TTBK1: variants seen among roughly 807,000 people sequenced by gnomAD.
TTBK1 encodes tau-tubulin kinase 1.
A neutral mutation model predicts 108.5 loss-of-function variants in TTBK1; 34 were observed. That is an observed-to-expected ratio of 0.31 (90% CI 0.24 to 0.42). The LOEUF (loss-of-function observed/expected upper bound fraction) is 0.42. TTBK1 is among the 10% of genes least tolerant of loss of function. The pLI is 1.00. For synonymous variants in TTBK1, 809 were observed against 795.1 expected (o/e 1.02, Z -0.29); for missense variants, 1,539 against 1,826.0 (o/e 0.84, Z 2.86).
At chr6:43,260,987 T>G (rs1777526455) in intron 12 of TTBK1, among the ~76,000 whole-genome samples, 1 of 152,082 alleles carries the variant, frequency 6.6e-6, no homozygotes, top group South Asian at 2.1e-4. Context: ...CTGAGCCTTC[T>G]TTGGCACCCT....
intron 13 of TTBK1, among the ~76,000 whole-genome samples, chr6:43,264,281 G>A (rs911855891): frequency 1.3e-5 from 2 of 152,152 alleles, no homozygotes; most frequent in Admixed American, 1.3e-4. Context: ...TACTTGGGAG[G>A]CTGAGGCATG....
At chr6:43,271,285 T>C (rs1378029457) in intron 13 of TTBK1, 11 of 985,306 alleles carry the variant, frequency 1.1e-5, no homozygotes, top group Admixed American at 6.2e-5. Flanking sequence ...TGCATAAGAG[T>C]GTGCTTACGA....
chr6:43,266,211 T>C (rs1182039859), intron 13 of TTBK1, among the ~76,000 whole-genome samples: 1 of 152,236 alleles, frequency 6.6e-6, no homozygotes, highest in East Asian at 1.9e-4. Context: ...GCTCGAGCTG[T>C]GCACTGGTGG....
rs1218962269 is a variant in TTBK1 at position 43,253,549 on chromosome 6, C to T, written c.331-19C>T. 1.3e-6 allele frequency: 2 copies of T among 1,596,394 alleles called. No individual in the cohort carries two copies. Among genetic ancestry groups the T allele is most frequent in the Middle Eastern group, 1.7e-4 (1 of 5,818 alleles). ...GATGGCTGAGGGTGAGTCTACCCCC[C>T]ACCTCCACCCCCATGCAGGGCCGGA... On this transcript the variant is annotated intron_variant, in intron 4 of 14. Transcript: ENST00000259750. The surrounding 1 kb of genome is among the most constrained non-coding windows in gnomAD (Gnocchi z 5.8).
chr6:43,261,928 G>A (rs1384468309), intron 12 of TTBK1, among the ~76,000 whole-genome samples: 1 of 152,198 alleles, frequency 6.6e-6, no homozygotes, highest in Admixed American at 6.5e-5. Context: ...AGTCTCTTGG[G>A]GAGACAGATT....
rs116049426 is a variant in TTBK1 at position 43,273,569 on chromosome 6, C to T, written c.1987-9158C>T. ...GGTGAGGTCCTAGGGGTCAGACTCACAGACGGGGAAGACACTGGCATCTGT... is the reference window on the plus strand; with the variant it reads ...GGTGAGGTCCTAGGGGTCAGACTCATAGACGGGGAAGACACTGGCATCTGT... On this transcript the variant is annotated intron_variant, in intron 13 of 14. Coordinates refer to ENST00000259750, the MANE Select transcript of TTBK1 (RefSeq NM_032538.3). This position sits in a 1 kb window ranked among gnomAD's most constrained non-coding sequence, Gnocchi z 4.2. Among the ~76,000 whole-genome samples, 3,297 of 151,392 alleles carry T rather than the reference C, an allele frequency of 0.022. 115 individuals carry two copies. Among genetic ancestry groups the T allele is most frequent in the African/African-American group, 0.077 (3,149 of 40,706 alleles).
In TTBK1 at chr6:43,265,858, C is replaced by A. The variant is rs558166013; in HGVS notation, c.1986+2508C>A. Among the ~76,000 whole-genome samples, 1 of 152,266 alleles carries A rather than the reference C, an allele frequency of 6.6e-6. No individual in the cohort carries two copies. The highest frequency in any genetic ancestry group is 1.9e-4 in the East Asian group (1 of 5,170). ...GGCCAGTCAGTGTCCCTTTCTGGGTCTCCAGGTGAGGGAGCTGAGGTTCTT... is the reference window on the plus strand; with the variant it reads ...GGCCAGTCAGTGTCCCTTTCTGGGTATCCAGGTGAGGGAGCTGAGGTTCTT... On this transcript the variant is annotated intron_variant, in intron 13 of 14. Transcript: ENST00000259750. This position sits in a 1 kb window ranked among gnomAD's most constrained non-coding sequence, Gnocchi z 4.1.
At chr6:43,250,506 G>A (rs986330595) in intron 2 of TTBK1, among the ~76,000 whole-genome samples, 8 of 151,962 alleles carry the variant, frequency 5.3e-5, no homozygotes, top group African/African-American at 1.2e-4. Flanking sequence ...ACAGGTGCCC[G>A]CCACCACGCC....
intron 13 of TTBK1, chr6:43,272,448 G>A: frequency 1.0e-6 from 1 of 985,440 alleles, no homozygotes; most frequent in Non-Finnish European, 1.2e-6. Flanking sequence ...GCATTGAGAA[G>A]GCGGCTGAGT....
rs1287388034 is a variant in TTBK1 at position 43,253,941 on chromosome 6, G to T, written c.471+233G>T. 6.6e-6 allele frequency among the ~76,000 whole-genome samples: 1 copy of T among 152,160 alleles called. No individual in the cohort carries two copies. The highest frequency in any genetic ancestry group is 1.5e-5 in the Non-Finnish European group (1 of 68,024). On this transcript the variant is annotated intron_variant, in intron 5 of 14. Transcript: ENST00000259750. This position sits in a 1 kb window ranked among gnomAD's most constrained non-coding sequence, Gnocchi z 5.8. ...TCGGCCATGGCCAGGCCTCTCCTCT[G>T]TTCTTCCCTTCTGTTCCTTATCCCT...
chr6:43,260,128 G>A (rs993526582), intron 12 of TTBK1, among the ~76,000 whole-genome samples: 2 of 152,178 alleles, frequency 1.3e-5, no homozygotes, highest in East Asian at 3.9e-4. Flanking sequence ...GAGAGAGCAG[G>A]GCAAGTTTTG....
rs1294121175 is a variant in TTBK1, at chr6:43,265,862, A to G, written c.1986+2512A>G. Among the ~76,000 whole-genome samples, 1 of 152,114 alleles carries G rather than the reference A, an allele frequency of 6.6e-6. No homozygotes were observed. The highest frequency in any genetic ancestry group is 2.4e-5 in the African/African-American group (1 of 41,428). ...AGTCAGTGTCCCTTTCTGGGTCTCCAGGTGAGGGAGCTGAGGTTCTTCCGA... is the reference window on the plus strand; with the variant it reads ...AGTCAGTGTCCCTTTCTGGGTCTCCGGGTGAGGGAGCTGAGGTTCTTCCGA... On this transcript the variant is annotated intron_variant, in intron 13 of 14. Coordinates refer to ENST00000259750, the MANE Select transcript of TTBK1 (RefSeq NM_032538.3). The surrounding 1 kb of genome is among the most constrained non-coding windows in gnomAD (Gnocchi z 4.1).
chr6:43,261,904 G>A (rs565458596), intron 12 of TTBK1, among the ~76,000 whole-genome samples: 2 of 152,014 alleles, frequency 1.3e-5, no homozygotes, highest in South Asian at 2.1e-4. Context: ...CAGGCCCTGC[G>A]CAGCAGAGCT....
chr6:43,280,402 G>A (rs866675994), intron 13 of TTBK1, among the ~76,000 whole-genome samples: 33 of 152,188 alleles, frequency 2.2e-4, no homozygotes, highest in African/African-American at 7.5e-4. Flanking sequence ...GGAGGTAGGG[G>A]TGGGAGAGAG....
At chr6:43,245,740 G>A (rs958216670) in intron 1 of TTBK1, among the ~76,000 whole-genome samples, 4 of 152,202 alleles carry the variant, frequency 2.6e-5, no homozygotes, top group South Asian at 2.1e-4. Context: ...CTTTCTTGTC[G>A]ATTCCTAAGC....
At chr6:43,246,827 G>A (rs1777101924) in intron 2 of TTBK1, 59 bp downstream of exon 2, 2 of 1,440,622 alleles carry the variant, frequency 1.4e-6, no homozygotes, top group Non-Finnish European at 1.9e-6. Flanking sequence ...CGAGGACCTG[G>A]AGACTTGTTA....
Position 43,276,113 on chromosome 6 carries a change from C to T in TTBK1, c.1987-6614C>T, listed in dbSNP as rs1283136139. Among the ~76,000 whole-genome samples, 1 of 152,134 alleles carries T rather than the reference C, an allele frequency of 6.6e-6. No individual in the cohort carries two copies. The highest frequency in any genetic ancestry group is 1.5e-5 in the Non-Finnish European group (1 of 68,020). On this transcript the variant is annotated intron_variant, in intron 13 of 14. Coordinates refer to ENST00000259750, the MANE Select transcript of TTBK1 (RefSeq NM_032538.3). The surrounding 1 kb of genome is among the most constrained non-coding windows in gnomAD (Gnocchi z 5.4). ...TAGCGAGAGGACCCTCGCGGAGGTC[C>T]TGAGTCCCAGTCGGTTTATTCCTGA...
At chr6:43,274,856 T>G (rs1165438447) in intron 13 of TTBK1, among the ~76,000 whole-genome samples, 1 of 151,874 alleles carries the variant, frequency 6.6e-6, no homozygotes, top group East Asian at 1.9e-4. Flanking sequence ...CAAGCCTGAG[T>G]GCCCGCTTCC....
intron 13 of TTBK1, among the ~76,000 whole-genome samples, chr6:43,281,772 C>A (rs6930150): frequency 0.11 from 17,016 of 152,144 alleles, 981 homozygotes; most frequent in Non-Finnish European, 0.12. Context: ...TCGTCAGCAC[C>A]GTCCCACCAT....
Sources: gnomAD v4.1 joint callset for allele counts (sites outside exome capture counted in the v4.1 genomes callset) on GRCh38, gnomAD v4.1.1 for gene constraint, Gnocchi (gnomAD v3.1) non-coding constraint, MANE v1.5 for transcripts, NCBI Gene and HGNC (gene_info 2026-07-23, HGNC 2026-07-21) for gene names.